Variants in PTPRN2 observed in about 807,000 individuals in gnomAD.
PTPRN2 encodes protein tyrosine phosphatase receptor type N2, also known as receptor-type tyrosine-protein phosphatase N2.
In PTPRN2, 74 loss-of-function variants were observed where a neutral mutation model predicts 118.8. The ratio of observed to expected loss-of-function variants is 0.62; its 90% CI spans 0.52 to 0.76. The LOEUF is 0.76. Ranked by LOEUF, PTPRN2 falls within the 30% of genes least tolerant of loss-of-function variation. PTPRN2 has a pLI of 0.00. For synonymous variants in PTPRN2, 641 were observed against 608.0 expected (o/e 1.05, Z -0.80); for missense variants, 1,481 against 1,394.4 (o/e 1.06, Z -0.99).
chr7:158,279,555 A>C (rs1391824286), intron 3 of PTPRN2, among the ~76,000 whole-genome samples: 3 of 152,206 alleles, frequency 2.0e-5, no homozygotes, highest in Non-Finnish European at 4.4e-5. Flanking sequence ...GACCCAGGGA[A>C]GAGGGAATGG....
At chr7:158,115,240 C>A (rs1238334952) in intron 9 of PTPRN2, among the ~76,000 whole-genome samples, 1 of 152,064 alleles carries the variant, frequency 6.6e-6, no homozygotes, top group Non-Finnish European at 1.5e-5. Flanking sequence ...GGTTGGAGAC[C>A]AGAGGAGACA....
intron 3 of PTPRN2, among the ~76,000 whole-genome samples, chr7:158,244,715 TGTTAGA>T (rs1796094631): frequency 2.9e-5 from 2 of 69,112 alleles, no homozygotes; most frequent in East Asian, 6.5e-4. Context: ...TTGTGAGTTG[TGTTAGA>T]GTGAAAGTGT....
chr7:158,143,575 T>C (rs1819591258), intron 6 of PTPRN2, among the ~76,000 whole-genome samples: 1 of 152,026 alleles, frequency 6.6e-6, no homozygotes, highest in African/African-American at 2.4e-5. Flanking sequence ...GAATGAGTGG[T>C]GGTTGCTAAG....
At chr7:158,316,657 A>G (rs940568912) in intron 3 of PTPRN2, among the ~76,000 whole-genome samples, 162 bp downstream of exon 3, 2 of 152,202 alleles carry the variant, frequency 1.3e-5, no homozygotes, top group African/African-American at 4.8e-5. Context: ...CGATCCCAGT[A>G]GGAAGCACCC....
chr7:158,483,852 A>G (rs934707156), intron 2 of PTPRN2, among the ~76,000 whole-genome samples: 4 of 152,152 alleles, frequency 2.6e-5, no homozygotes, highest in Admixed American at 2.0e-4. Flanking sequence ...AAAGTATAGG[A>G]GTTGGCCGGG....
intron 12 of PTPRN2, among the ~76,000 whole-genome samples, chr7:157,749,727 G>GTT (rs1801330795): frequency 3.5e-5 from 5 of 141,772 alleles, no homozygotes; most frequent in Non-Finnish European, 4.6e-5. Context: ...GCTGTGAGCT[G>GTT]CCCGGGTGAT....
rs1469042663 is a variant in PTPRN2 at position 157,834,069 on chromosome 7, A to AAAATTCCCT, written c.1788+64603_1788+64604insAGGGAATTT. 1.1e-4 allele frequency among the ~76,000 whole-genome samples: 16 copies of AAAATTCCCT among 152,304 alleles called. 1 individual carries two copies. Among genetic ancestry groups the AAAATTCCCT allele is most frequent in the African/African-American group, 2.6e-4 (11 of 41,552 alleles). On this transcript the variant is annotated intron_variant, in intron 12 of 22. Coordinates refer to ENST00000389418, the MANE Select transcript of PTPRN2 (RefSeq NM_002847.5). Reference sequence around the variant, plus strand: ...TCTATCCGCCAATCAATGAGCCAGCAGCATTCCCTGTGATCAATCCATCAA... The same window carrying AAAATTCCCT: ...TCTATCCGCCAATCAATGAGCCAGCAAAATTCCCTGCATTCCCTGTGATCAATCCATCAA...
chr7:158,419,302 T>G (rs1157111361), intron 2 of PTPRN2, among the ~76,000 whole-genome samples: 1 of 152,086 alleles, frequency 6.6e-6, no homozygotes, highest in Non-Finnish European at 1.5e-5. Flanking sequence ...ATTTTTGGCC[T>G]GGAAAGCTCC....
chr7:158,181,013 C>T (rs1286444991), intron 5 of PTPRN2, among the ~76,000 whole-genome samples: 2 of 152,074 alleles, frequency 1.3e-5, no homozygotes, highest in Admixed American at 1.3e-4. Flanking sequence ...TCCTTGTCTT[C>T]TTTCAGTTCG....
At chr7:158,392,375 C>A (rs35809824) in intron 2 of PTPRN2, among the ~76,000 whole-genome samples, 1 of 151,988 alleles carries the variant, frequency 6.6e-6, no homozygotes, top group Non-Finnish European at 1.5e-5. Context: ...AGGCACAGGG[C>A]AACCCCAAGT....
chr7:157,794,360 T>A lies in PTPRN2; in HGVS notation c.1788+104313A>T, dbSNP rs902019533. 1.6e-4 allele frequency among the ~76,000 whole-genome samples: 24 copies of A among 152,186 alleles called. 1 individual carries two copies. Among genetic ancestry groups the A allele is most frequent in the African/African-American group, 5.8e-4 (24 of 41,494 alleles). ...CCACCCAGGCTGCCTGCACTTCCGG[T>A]TCTGCGTCTGGCCGGCCTACGGGCA... On this transcript the variant is annotated intron_variant, in intron 12 of 22. Coordinates refer to ENST00000389418, the MANE Select transcript of PTPRN2 (RefSeq NM_002847.5). The surrounding 1 kb of genome is among the most constrained non-coding windows in gnomAD (Gnocchi z 5.2).
At chr7:157,723,561 C>T (rs540222780) in intron 12 of PTPRN2, among the ~76,000 whole-genome samples, 1 of 152,348 alleles carries the variant, frequency 6.6e-6, no homozygotes, top group Admixed American at 6.5e-5. Flanking sequence ...ACAGCCCAGG[C>T]CTTCCTCACC....
At chr7:157,669,177 C>T (rs1307866953) in intron 13 of PTPRN2, among the ~76,000 whole-genome samples, 1 of 152,160 alleles carries the variant, frequency 6.6e-6, no homozygotes, top group Non-Finnish European at 1.5e-5. Context: ...GGGCCACGCT[C>T]ACTTCTGGAG....
intron 13 of PTPRN2, among the ~76,000 whole-genome samples, chr7:157,672,780 A>G (rs1339166244): frequency 1.3e-5 from 2 of 152,276 alleles, no homozygotes; most frequent in Non-Finnish European, 2.9e-5. Context: ...ATCCAAGTTT[A>G]AACCTGTATA....
At chr7:158,383,039 T>A (rs1869292) in intron 2 of PTPRN2, among the ~76,000 whole-genome samples, 2 of 152,026 alleles carry the variant, frequency 1.3e-5, no homozygotes, top group African/African-American at 4.8e-5. Context: ...TATTGATAAA[T>A]GGCACACTCC....
intron 9 of PTPRN2, among the ~76,000 whole-genome samples, chr7:158,112,809 G>A (rs951162126): frequency 2.0e-5 from 3 of 151,698 alleles, no homozygotes; most frequent in Non-Finnish European, 2.9e-5. Flanking sequence ...GCCCAGGCTG[G>A]GTACTGAGGG....
At chr7:158,029,794 A>C (rs1195048403) in intron 11 of PTPRN2, 1 of 152,136 alleles carries the variant, frequency 6.6e-6, no homozygotes, top group Admixed American at 6.6e-5. Context: ...CACACAGCAA[A>C]CACAGCAACC....
chr7:157,644,340 G>A (rs1008828917), intron 14 of PTPRN2, among the ~76,000 whole-genome samples: 3 of 152,180 alleles, frequency 2.0e-5, no homozygotes, highest in Admixed American at 6.5e-5. Flanking sequence ...TAGACTTCTG[G>A]CCTCCGAAAC....
chr7:157,998,094 A>T, intron 11 of PTPRN2, among the ~76,000 whole-genome samples: 1 of 15,498 alleles, frequency 6.5e-5, no homozygotes, highest in African/African-American at 2.6e-4. Context: ...AGGGGAGAGG[A>T]GTACAGGGCG....
Sources: allele counts gnomAD v4.1 joint callset (sites outside exome capture counted in the v4.1 genomes callset), GRCh38; gene constraint gnomAD v4.1.1; non-coding constraint Gnocchi (gnomAD v3.1); transcripts MANE v1.5; gene names NCBI Gene and HGNC (gene_info 2026-07-23, HGNC 2026-07-21).